LHFPL6: variants seen among roughly 807,000 people sequenced by gnomAD.
LHFPL6 encodes the protein LHFPL tetraspan subfamily member 6 protein.
In LHFPL6, 9 loss-of-function variants were observed where a neutral mutation model predicts 20.6. The ratio of observed to expected loss-of-function variants is 0.44; its 90% CI spans 0.26 to 0.76. LHFPL6 has a LOEUF of 0.76. Ranked by LOEUF, LHFPL6 falls within the 30% of genes least tolerant of loss-of-function variation. The pLI is 0.20. For missense variants in LHFPL6, 218 were observed against 253.5 expected, an observed-to-expected ratio of 0.86 and a Z score of 0.95; for synonymous variants, 105 against 98.7, an observed-to-expected ratio of 1.06 and a Z score of -0.38.
At chr13:39,416,926 T>C (rs1266078238) in intron 2 of LHFPL6, among the ~76,000 whole-genome samples, 1 of 152,180 alleles carries the variant, frequency 6.6e-6, no homozygotes, top group African/African-American at 2.4e-5. Context: ...GAATACATCT[T>C]GTACAATCAC....
At chr13:39,541,258 G>T (rs1870787680) in intron 2 of LHFPL6, among the ~76,000 whole-genome samples, 1 of 152,100 alleles carries the variant, frequency 6.6e-6, no homozygotes, top group East Asian at 1.9e-4. Context: ...CTTGGTTTGG[G>T]TTGCTTTAAA....
intron 2 of LHFPL6, among the ~76,000 whole-genome samples, chr13:39,531,758 G>A (rs531844558): frequency 1.3e-5 from 2 of 152,230 alleles, no homozygotes; most frequent in Non-Finnish European, 2.9e-5. Context: ...CAACTAAAGA[G>A]TAAATACCTT....
intron 2 of LHFPL6, among the ~76,000 whole-genome samples, chr13:39,507,688 AT>A (rs1331767025): frequency 6.6e-6 from 1 of 152,006 alleles, no homozygotes; most frequent in East Asian, 1.9e-4. Context: ...AATACCAAAT[AT>A]TTTTTGAGCA....
intron 3 of LHFPL6, among the ~76,000 whole-genome samples, chr13:39,345,438 A>C (rs1055379188): frequency 7.0e-6 from 1 of 142,992 alleles, no homozygotes; most frequent in African/African-American, 2.6e-5. Flanking sequence ...ACTTGAACCC[A>C]GAAGGTGGAG....
chr13:39,569,054 C>G (rs528382844), intron 2 of LHFPL6, among the ~76,000 whole-genome samples: 45 of 152,296 alleles, frequency 3.0e-4, no homozygotes, highest in African/African-American at 1.1e-3. Context: ...GGGCAGCGAT[C>G]ATGTCAGCCC....
intron 2 of LHFPL6, among the ~76,000 whole-genome samples, chr13:39,598,879 T>G (rs1287782976): frequency 6.6e-6 from 1 of 152,158 alleles, no homozygotes; most frequent in Admixed American, 6.5e-5. Flanking sequence ...CAAACTATAC[T>G]CTTAGCTTAA....
chr13:39,422,586 CA>C (rs11311637), intron 2 of LHFPL6, among the ~76,000 whole-genome samples: 30,723 of 118,374 alleles, frequency 0.26, 3,996 homozygotes, highest in East Asian at 0.64. Flanking sequence ...AACTCCAACT[CA>C]AAAAAAAAAA....
At chr13:39,574,399 G>A (rs539087579) in intron 2 of LHFPL6, among the ~76,000 whole-genome samples, 33 of 151,140 alleles carry the variant, frequency 2.2e-4, no homozygotes, top group Admixed American at 1.3e-3. Flanking sequence ...GCAGAATGGC[G>A]TGAACCCCAA....
intron 3 of LHFPL6, among the ~76,000 whole-genome samples, chr13:39,372,816 A>G (rs561953601): frequency 1.9e-4 from 29 of 152,304 alleles, no homozygotes; most frequent in African/African-American, 6.7e-4. Flanking sequence ...ACTATTACTT[A>G]TATTTTTGAA....
chr13:39,582,373 A>T (rs1210005587), intron 2 of LHFPL6, among the ~76,000 whole-genome samples: 1 of 152,216 alleles, frequency 6.6e-6, no homozygotes, highest in East Asian at 1.9e-4. Flanking sequence ...TGTGAATTGT[A>T]GTCCAGTGAG....
intron 2 of LHFPL6, among the ~76,000 whole-genome samples, chr13:39,583,981 C>T (rs532237100): frequency 2.0e-5 from 3 of 152,266 alleles, no homozygotes; most frequent in South Asian, 4.1e-4. Flanking sequence ...CCGTGTCAGG[C>T]CTCGACTCCA....
intron 2 of LHFPL6, among the ~76,000 whole-genome samples, chr13:39,386,534 A>G (rs1484604036): frequency 6.6e-6 from 1 of 152,096 alleles, no homozygotes; most frequent in African/African-American, 2.4e-5. Flanking sequence ...CTCTTTTTCC[A>G]CCTATCATGA....
chr13:39,436,718 G>T (rs759844372), intron 2 of LHFPL6, among the ~76,000 whole-genome samples: 1 of 152,180 alleles, frequency 6.6e-6, no homozygotes, highest in Non-Finnish European at 1.5e-5. Context: ...GCAATGTTAT[G>T]GTTTGTGTGG....
intron 2 of LHFPL6, among the ~76,000 whole-genome samples, chr13:39,583,108 A>T (rs1490811899): frequency 6.6e-6 from 1 of 152,134 alleles, no homozygotes; most frequent in African/African-American, 2.4e-5. Flanking sequence ...ACCTAATTGC[A>T]AAAATTAAGT....
chr13:39,542,221 A>G (rs950603573), intron 2 of LHFPL6, among the ~76,000 whole-genome samples: 3 of 151,976 alleles, frequency 2.0e-5, no homozygotes, highest in East Asian at 3.8e-4. Flanking sequence ...GATGCTGACA[A>G]TATTCTGTAT....
chr13:39,351,821 G>C (rs1869576493), intron 3 of LHFPL6, among the ~76,000 whole-genome samples: 2 of 152,124 alleles, frequency 1.3e-5, no homozygotes, highest in South Asian at 4.1e-4. Flanking sequence ...ACACCAAACT[G>C]TACCCAATCC....
intron 2 of LHFPL6, among the ~76,000 whole-genome samples, chr13:39,527,549 G>A (rs1870330824): frequency 6.6e-6 from 1 of 150,400 alleles, no homozygotes; most frequent in Admixed American, 6.6e-5. Context: ...ATGAAACCAT[G>A]TCAGGTTTCA....
At chr13:39,390,512 A>G (rs1399145544) in intron 2 of LHFPL6, among the ~76,000 whole-genome samples, 1 of 151,664 alleles carries the variant, frequency 6.6e-6, no homozygotes, top group Non-Finnish European at 1.5e-5. Context: ...ACTAAAAAAG[A>G]AAAAACAAAG....
intron 2 of LHFPL6, among the ~76,000 whole-genome samples, chr13:39,509,145 G>A (rs1869597261): frequency 6.6e-6 from 1 of 152,030 alleles, no homozygotes; most frequent in Non-Finnish European, 1.5e-5. Flanking sequence ...ATGAAACGAT[G>A]GTGAACATCT....
Sources: allele counts gnomAD v4.1 joint callset (sites outside exome capture counted in the v4.1 genomes callset), GRCh38; gene constraint gnomAD v4.1.1; transcripts MANE v1.5; gene names NCBI Gene and HGNC (gene_info 2026-07-23, HGNC 2026-07-21).